Variants in EXD3 observed in about 807,000 individuals in gnomAD.
EXD3 encodes the protein exonuclease mut-7 homolog.
Under a neutral mutation model 98.0 loss-of-function variants are expected in EXD3, and 92 were observed. The observed-to-expected ratio is 0.94, with a 90% CI of 0.79 to 1.12. EXD3 has a LOEUF of 1.12. EXD3 is among the 50% of genes most tolerant of loss of function. The probability of loss-of-function intolerance (pLI) is 0.00; values close to 1 mark genes in which losing one functional copy is unlikely to be tolerated. For missense variants in EXD3, 1,222 were observed against 1,191.6 expected, an observed-to-expected ratio of 1.03 and a Z score of -0.38; for synonymous variants, 569 against 526.0, an observed-to-expected ratio of 1.08 and a Z score of -1.12.
intron 7 of EXD3, among the ~76,000 whole-genome samples, chr9:137,356,962 C>T (rs1358187100): frequency 6.6e-6 from 1 of 152,214 alleles, no homozygotes; most frequent in Non-Finnish European, 1.5e-5. Context: ...AAGATAAGGT[C>T]CACGGGGTAT....
In EXD3 at chr9:137,393,334, C is replaced by T; in HGVS notation, c.55+1969G>A. The T allele has an allele frequency of 1.5e-6, 1 of 685,404 alleles. No individual in the cohort carries two copies. The allele number at this position is 685,404 out of a possible 1,614,324, so 42.5% of individuals were successfully genotyped here. On this transcript the variant is annotated intron_variant, in intron 2 of 21. Coordinates refer to ENST00000340951, the MANE Select transcript of EXD3 (RefSeq NM_017820.5). This position sits in a 1 kb window ranked among gnomAD's most constrained non-coding sequence, Gnocchi z 4.6. ...TCCAGGGGAGGTAACAGGGCCTCAT[C>T]CCACACAGGTGCAGGCCCGGGGCCC...
At chr9:137,326,213 T>C (rs544031826) in intron 17 of EXD3, among the ~76,000 whole-genome samples, 1 of 152,294 alleles carries the variant, frequency 6.6e-6, no homozygotes, top group South Asian at 2.1e-4. Flanking sequence ...GGACCCTCAT[T>C]ACAGTGAAAT....
In EXD3 at chr9:137,410,791, C is replaced by CG. The variant is rs959437852; in HGVS notation, c.-48+12322dup. ...ACTGTGGAGGCGACGCTGCTGAGGG[C>CG]GGGGGGCAGGGCGAGGGCTGTGTCC... is the stretch of plus-strand genomic sequence containing the variant. On this transcript the variant is annotated intron_variant, in intron 1 of 21. Transcript: ENST00000340951. Among the ~76,000 whole-genome samples, 139 of 152,212 alleles carry CG rather than the reference C, an allele frequency of 9.1e-4. 1 individual carries two copies. Among genetic ancestry groups the CG allele is most frequent in the Admixed American group, 3.3e-3 (50 of 15,298 alleles).
chr9:137,418,358 A>C (rs1270997546), intron 1 of EXD3, among the ~76,000 whole-genome samples: 1 of 152,244 alleles, frequency 6.6e-6, no homozygotes, highest in Non-Finnish European at 1.5e-5. Context: ...CTCAAAAAAC[A>C]AACAACAAAC....
At chr9:137,410,994 C>A (rs960691002) in intron 1 of EXD3, among the ~76,000 whole-genome samples, 2 of 152,178 alleles carry the variant, frequency 1.3e-5, no homozygotes, top group Admixed American at 6.5e-5. Flanking sequence ...TGCCTGGAGC[C>A]CCAGCCCCCA....
chr9:137,395,261 C>T lies in EXD3; in HGVS notation c.55+42G>A, dbSNP rs1017447270. ...CCATGCACACCCACGCACCTCCCCC[C>T]ACAGCCCCAGGGAGACTCGGCACCA... On this transcript the variant is annotated intron_variant, in intron 2 of 21. Coordinates refer to ENST00000340951, the MANE Select transcript of EXD3 (RefSeq NM_017820.5). The surrounding 1 kb of genome is among the most constrained non-coding windows in gnomAD (Gnocchi z 6.5). 1 of 1,589,354 alleles carries T rather than the reference C, an allele frequency of 6.3e-7. No homozygotes were observed. The highest frequency in any genetic ancestry group is 8.6e-7 in the Non-Finnish European group (1 of 1,158,304).
Position 137,335,640 on chromosome 9 carries a change from A to T in EXD3, c.1999-11497T>A, listed in dbSNP as rs923361322. 7.9e-5 allele frequency among the ~76,000 whole-genome samples: 12 copies of T among 152,296 alleles called. No individual in the cohort carries two copies. The East Asian group carries it at 2.1e-3, about 27-fold the overall frequency. ...GGTTGCAGTGAGCCAAGATCGCGCC[A>T]TTGCACTCCAGCCTGGCAACAGAGC... On this transcript the variant is annotated intron_variant, in intron 17 of 21. Transcript: ENST00000340951.
chr9:137,313,355 C>A (rs1831466442), intron 19 of EXD3, among the ~76,000 whole-genome samples: 1 of 152,134 alleles, frequency 6.6e-6, no homozygotes, highest in African/African-American at 2.4e-5. Flanking sequence ...GCCGGCCACC[C>A]TGGGGACTCC....
intron 19 of EXD3, among the ~76,000 whole-genome samples, chr9:137,315,163 T>C (rs761101137): frequency 4.6e-5 from 7 of 152,160 alleles, no homozygotes; most frequent in Non-Finnish European, 8.8e-5. Flanking sequence ...TGGGTCACCA[T>C]GCGACACCTT....
chr9:137,388,199 T>C (rs1376258613), intron 2 of EXD3, among the ~76,000 whole-genome samples: 2 of 150,152 alleles, frequency 1.3e-5, no homozygotes, highest in Non-Finnish European at 3.0e-5. Context: ...GTGCCCACAC[T>C]GGCTTCCCCC....
At chr9:137,337,744 G>C (rs2119172543) in intron 17 of EXD3, among the ~76,000 whole-genome samples, 1 of 151,740 alleles carries the variant, frequency 6.6e-6, no homozygotes, top group South Asian at 2.1e-4. Flanking sequence ...AGGGAGAGAG[G>C]GGGAGAGAGA....
chr9:137,312,963 G>A (rs1831447533), intron 19 of EXD3, among the ~76,000 whole-genome samples: 2 of 152,214 alleles, frequency 1.3e-5, no homozygotes, highest in African/African-American at 2.4e-5. Flanking sequence ...GCCCCAGGCT[G>A]CAGGCCTGCA....
chr9:137,351,290 G>C (rs369649398), intron 13 of EXD3, 28 bp downstream of exon 13: 64 of 1,595,636 alleles, frequency 4.0e-5, no homozygotes, highest in Non-Finnish European at 5.1e-5. Context: ...TTTCTGGACT[G>C]GGCAGGGGGC....
chr9:137,342,531 G>A (rs1833700936), intron 17 of EXD3, among the ~76,000 whole-genome samples: 1 of 152,160 alleles, frequency 6.6e-6, no homozygotes, highest in Admixed American at 6.5e-5. Flanking sequence ...CATTGCCTGA[G>A]GTTTTTACTG....
At position 137,348,055 on chromosome 9, in the gene EXD3, C is replaced by A; in HGVS notation, c.1998+16G>T. On this transcript the variant is annotated intron_variant, in intron 17 of 21. Coordinates refer to ENST00000340951, the MANE Select transcript of EXD3 (RefSeq NM_017820.5). ...TGCACCTTGGGAGGACCCCAAGACC[C>A]TCCCCGCAAACTCACCTCGGCCGCC... The A allele has an allele frequency of 6.2e-7, 1 of 1,606,912 alleles. No homozygotes were observed. Among genetic ancestry groups the A allele is most frequent in the South Asian group, 1.1e-5 (1 of 90,028 alleles).
At chr9:137,390,320 T>G (rs1836836598) in intron 2 of EXD3, among the ~76,000 whole-genome samples, 1 of 149,576 alleles carries the variant, frequency 6.7e-6, no homozygotes, top group Non-Finnish European at 1.5e-5. Context: ...TAGTCCCAGC[T>G]ACTCGGGAGG....
At position 137,373,526 on chromosome 9, in the gene EXD3, C is replaced by G. The variant is rs767347286; in HGVS notation, c.194G>C (p.Ser65Thr). Residue 65 changes from serine to threonine, a missense_variant, in exon 4 of 22, where the codon AGC (serine) becomes ACC (threonine). Coordinates refer to ENST00000340951, the MANE Select transcript of EXD3 (RefSeq NM_017820.5). ...GCCCTCTCCCCGCTGGCCCCGGCAG[C>G]TCTCCAGCATGTCCAGAAGCCCGGC... ...PLAGLLDMLE[S>T]CRGQRGEGPS... is the part of the protein sequence containing the mutation. 6.2e-7 allele frequency: 1 copy of G among 1,604,510 alleles called. No individual in the cohort carries two copies. The highest frequency in any genetic ancestry group is 1.3e-5 in the African/African-American group (1 of 74,758).
At chr9:137,367,915 T>C in intron 6 of EXD3, 21 bp downstream of exon 6, 1 of 1,610,930 alleles carries the variant, frequency 6.2e-7, no homozygotes, top group Non-Finnish European at 8.5e-7. Context: ...CCTAAACAAT[T>C]TACATGAGAA....
At position 137,348,183 on chromosome 9, in the gene EXD3, G is replaced by T. The variant is rs748043355; in HGVS notation, c.1886C>A (p.Ala629Asp). The T allele has an allele frequency of 1.2e-6, 2 of 1,611,804 alleles. No homozygotes were observed. The highest frequency in any genetic ancestry group is 1.3e-5 in the African/African-American group (1 of 74,770). The change falls in exon 17 of 22, where the codon GCC becomes GAC. Residue 629 changes from alanine (A) to aspartate (D), a missense_variant. By Grantham distance (126) the Ala-to-Asp change is moderately radical (BLOSUM62 -2). Coordinates refer to ENST00000340951, the MANE Select transcript of EXD3 (RefSeq NM_017820.5). The stretch of plus-strand genomic sequence containing the variant: ...CATGTTGTCACACACCACACGGAAG[G>T]CCCTGGCCGGAATCTGAGGGGCAGC... ...EGAAPQIPAR[A>D]FRVVCDNMLQ... is the part of the protein sequence containing the mutation.
Sources: allele counts gnomAD v4.1 joint callset (sites outside exome capture counted in the v4.1 genomes callset), GRCh38; gene constraint gnomAD v4.1.1; non-coding constraint Gnocchi (gnomAD v3.1); transcripts MANE v1.5; gene names NCBI Gene and HGNC (gene_info 2026-07-23, HGNC 2026-07-21).